The following BPTF variants were observed in gnomAD, a reference collection of about 807,000 sequenced individuals.
BPTF encodes bromodomain PHD finger transcription factor, also known as nucleosome-remodeling factor subunit BPTF.
In BPTF, 18 loss-of-function variants were observed where a neutral mutation model predicts 292.5. The observed-to-expected ratio is 0.06, with a 90% CI of 0.04 to 0.09. The LOEUF (loss-of-function observed/expected upper bound fraction) is 0.09, where lower values mean the gene tolerates loss of function less well. Ranked by LOEUF, BPTF falls within the 10% of genes least tolerant of loss-of-function variation. The pLI is 1.00. For synonymous variants in BPTF, 1,225 were observed against 1,251.9 expected (o/e 0.98, Z 0.45); for missense variants, 2,726 against 3,498.7 (o/e 0.78, Z 5.57).
intron 1 of BPTF, among the ~76,000 whole-genome samples, chr17:67,832,987 C>A (rs2056841529): frequency 6.7e-6 from 1 of 148,380 alleles, no homozygotes; most frequent in Non-Finnish European, 1.5e-5. Flanking sequence ...TTAGTAGAGA[C>A]AGGGTTTTAC....
intron 24 of BPTF, among the ~76,000 whole-genome samples, chr17:67,963,151 G>A (rs556282361): frequency 1.3e-5 from 2 of 152,236 alleles, no homozygotes; most frequent in African/African-American, 4.8e-5. Flanking sequence ...GTTTCCACAT[G>A]TGATAGAGCA....
At chr17:67,864,879 A>ACT (rs947136454) in intron 2 of BPTF, among the ~76,000 whole-genome samples, 10 of 151,746 alleles carry the variant, frequency 6.6e-5, no homozygotes, top group Non-Finnish European at 1.3e-4. Context: ...AACTCGGCTC[A>ACT]CTCTAGGCTC....
chr17:67,904,471 G>GTT (rs2062047938), intron 8 of BPTF, among the ~76,000 whole-genome samples: 1 of 152,172 alleles, frequency 6.6e-6, no homozygotes. Flanking sequence ...GTAAAATTGT[G>GTT]TTACATTTTA....
intron 26 of BPTF, among the ~76,000 whole-genome samples, chr17:67,973,522 G>A (rs2069036809): frequency 6.6e-6 from 1 of 150,408 alleles, no homozygotes; most frequent in Non-Finnish European, 1.5e-5. Context: ...TTTGTTTTTT[G>A]AGACATTGTC....
At chr17:67,952,009 C>G (rs2066411646) in intron 23 of BPTF, among the ~76,000 whole-genome samples, 1 of 127,386 alleles carries the variant, frequency 7.9e-6, no homozygotes, top group African/African-American at 2.9e-5. Context: ...GACCCGAGAT[C>G]ATGCCACTGC....
At position 67,914,269 on chromosome 17, in the gene BPTF, G is replaced by T. The variant is rs146395314; in HGVS notation, c.5303+1082G>T. On this transcript the variant is annotated intron_variant, in intron 11 of 27. Transcript: ENST00000306378. ...TAATTACAATCAGCTAGAAAAAAAA[G>T]TAAGTACTCTCTATAAAGGAATTCA... is the stretch of plus-strand genomic sequence containing the variant. 2.0e-5 allele frequency among the ~76,000 whole-genome samples: 3 copies of T among 152,120 alleles called. No individual in the cohort carries two copies. The East Asian group carries it at 5.8e-4, about 29-fold the overall frequency.
rs1488809436 is a variant in BPTF, at chr17:67,940,753, G to A, written c.6477+97G>A. 70 of 1,328,288 alleles carry A rather than the reference G, an allele frequency of 5.3e-5. No homozygotes were observed. In the East Asian group the frequency reaches 1.6e-3, roughly 30 times the overall value. The allele number at this position is 1,328,288 out of a possible 1,614,324, so 82.3% of individuals were successfully genotyped here. Reference sequence around the variant, plus strand: ...AACTTATTTTGATACGTTTTTAAATGTGCTGATTTGAAGAAATGGTTGCTT... The same window carrying A: ...AACTTATTTTGATACGTTTTTAAATATGCTGATTTGAAGAAATGGTTGCTT... On this transcript the variant is annotated intron_variant, in intron 19 of 27. Transcript: ENST00000306378.
chr17:67,826,150 C>A lies in BPTF; in HGVS notation c.426C>A (p.Ser142=), dbSNP rs1555605024. The change falls in exon 1 of 28, where the codon TCC becomes TCA. Residue 142 remains serine (S), a synonymous_variant. Coordinates refer to ENST00000306378, the MANE Select transcript of BPTF (RefSeq NM_182641.4). Reference sequence around the variant, plus strand: ...AGGAGGAAGAGGAGGACATGGTCTCCGAGGAGGAGGAGGAGGAGGACGGCG... The same window carrying A: ...AGGAGGAAGAGGAGGACATGGTCTCAGAGGAGGAGGAGGAGGAGGACGGCG... ...EEEEEEEDMV[S]EEEEEEDGDA... 1 of 1,497,784 alleles carries A rather than the reference C, an allele frequency of 6.7e-7. No individual in the cohort carries two copies. The allele number at this position is 1,497,784 out of a possible 1,614,324, so 92.8% of individuals were successfully genotyped here.
chr17:67,860,275 A>AC (rs2058997384), intron 2 of BPTF, among the ~76,000 whole-genome samples: 1 of 152,224 alleles, frequency 6.6e-6, no homozygotes, highest in Non-Finnish European at 1.5e-5. Flanking sequence ...AGATTAAAAT[A>AC]ATTTCAGTTT....
At chr17:67,845,922 C>A (rs1210622746) in intron 1 of BPTF, among the ~76,000 whole-genome samples, 2 of 151,814 alleles carry the variant, frequency 1.3e-5, no homozygotes, top group African/African-American at 4.8e-5. Context: ...GCCATACTTA[C>A]TTGGGGAAAA....
intron 23 of BPTF, chr17:67,951,613 A>G (rs1193710903): frequency 1.3e-5 from 2 of 152,232 alleles, no homozygotes; most frequent in Admixed American, 6.5e-5. Context: ...AAAGCCAACA[A>G]ATGAAAATGA....
intron 4 of BPTF, among the ~76,000 whole-genome samples, chr17:67,884,979 A>T (rs778801730): frequency 1.3e-5 from 2 of 152,056 alleles, no homozygotes; most frequent in Non-Finnish European, 2.9e-5. Context: ...AATTGGGCAT[A>T]TTTCCATATG....
At chr17:67,960,556 T>G (rs2067381138) in intron 24 of BPTF, among the ~76,000 whole-genome samples, 1 of 152,230 alleles carries the variant, frequency 6.6e-6, no homozygotes, top group African/African-American at 2.4e-5. Flanking sequence ...AAACCGTAAA[T>G]GTAGTTTCAT....
chr17:67,913,311 G>C, intron 11 of BPTF, 124 bp downstream of exon 11: 1 of 1,399,958 alleles, frequency 7.1e-7, no homozygotes, highest in Non-Finnish European at 9.4e-7. Flanking sequence ...AATGGCCAAA[G>C]ATAGTAATGG....
chr17:67,846,513 G>C (rs372320737), intron 1 of BPTF, among the ~76,000 whole-genome samples: 18 of 152,268 alleles, frequency 1.2e-4, no homozygotes, highest in African/African-American at 4.1e-4. Context: ...TGAAATTTTT[G>C]TTCAGGTCTC....
At chr17:67,893,265 A>G in intron 5 of BPTF, 105 bp from the exon 6 acceptor site, 1 of 749,470 alleles carries the variant, frequency 1.3e-6, no homozygotes, top group Non-Finnish European at 2.2e-6. Context: ...ATTTATCTTA[A>G]CTTACTTTGA....
chr17:67,918,613 G>T, intron 11 of BPTF, 101 bp from the exon 12 acceptor site: 1 of 1,140,112 alleles, frequency 8.8e-7, no homozygotes, highest in African/African-American at 1.6e-5. Context: ...TCCTAATGAG[G>T]ACAAGAAACA....
intron 1 of BPTF, among the ~76,000 whole-genome samples, chr17:67,838,927 A>G (rs968674392): frequency 6.6e-6 from 1 of 152,242 alleles, no homozygotes; most frequent in African/African-American, 2.4e-5. Context: ...AATTTTAAAA[A>G]TTAATTTAGT....
intron 1 of BPTF, among the ~76,000 whole-genome samples, chr17:67,840,636 G>A (rs1478368509): frequency 1.3e-5 from 2 of 151,618 alleles, no homozygotes; most frequent in South Asian, 2.1e-4. Flanking sequence ...ACTGGAGCCC[G>A]TCATTCCCCG....
Sources: gnomAD v4.1 joint callset for allele counts (sites outside exome capture counted in the v4.1 genomes callset) on GRCh38, gnomAD v4.1.1 for gene constraint, MANE v1.5 for transcripts, NCBI Gene and HGNC (gene_info 2026-07-23, HGNC 2026-07-21) for gene names.